JMJD1C: variants seen among roughly 807,000 people sequenced by gnomAD.
JMJD1C encodes jumonji domain containing 1C.
A neutral mutation model predicts 245.3 loss-of-function variants in JMJD1C; 31 were observed. That is an observed-to-expected ratio of 0.13 (90% confidence interval 0.09 to 0.17). The LOEUF (loss-of-function observed/expected upper bound fraction) is 0.17, where lower values mean the gene tolerates loss of function less well. JMJD1C is among the 10% of genes least tolerant of loss of function. The pLI, the probability that JMJD1C is intolerant of heterozygous loss-of-function variation, is 1.00. For missense variants in JMJD1C, 2,691 were observed against 3,000.2 expected (o/e 0.90, Z 2.41); for synonymous variants, 1,057 against 1,017.4 (o/e 1.04, Z -0.74).
intron 2 of JMJD1C, among the ~76,000 whole-genome samples, chr10:63,323,822 A>ATG (rs1466135807): frequency 6.6e-6 from 1 of 151,980 alleles, no homozygotes; most frequent in Non-Finnish European, 1.5e-5. Flanking sequence ...GTGTTTGCAT[A>ATG]TGTGTGTGTG....
chr10:63,413,685 A>G (rs1949623032), intron 1 of JMJD1C, among the ~76,000 whole-genome samples: 1 of 152,206 alleles, frequency 6.6e-6, no homozygotes, highest in Non-Finnish European at 1.5e-5. Context: ...GATAAGAAAT[A>G]CTAGAAATCT....
chr10:63,193,791 C>CA (rs1402569879), intron 14 of JMJD1C: 1 of 189,618 alleles, frequency 5.3e-6, no homozygotes, highest in East Asian at 1.4e-4. Context: ...CTCAGCCTCC[C>CA]AAGTAGCTGG....
At chr10:63,322,249 T>C (rs1193833008) in intron 2 of JMJD1C, among the ~76,000 whole-genome samples, 1 of 152,172 alleles carries the variant, frequency 6.6e-6, no homozygotes, top group Non-Finnish European at 1.5e-5. Flanking sequence ...TGAGTGGATG[T>C]CAGTTTACTG....
At chr10:63,398,363 C>A (rs979526248) in intron 1 of JMJD1C, among the ~76,000 whole-genome samples, 3 of 152,202 alleles carry the variant, frequency 2.0e-5, no homozygotes, top group African/African-American at 7.2e-5. Flanking sequence ...CCTTCAATTA[C>A]CTGTATTTTA....
chr10:63,328,649 T>C (rs927608550), intron 2 of JMJD1C, among the ~76,000 whole-genome samples: 4 of 152,220 alleles, frequency 2.6e-5, no homozygotes, highest in African/African-American at 9.7e-5. Context: ...TGAAACTAAA[T>C]GTTCTCCCTT....
intron 1 of JMJD1C, among the ~76,000 whole-genome samples, chr10:63,422,079 GAAGA>G (rs769694568): frequency 6.6e-6 from 1 of 152,118 alleles, no homozygotes; most frequent in Admixed American, 6.5e-5. Flanking sequence ...TGAGATCATA[GAAGA>G]GAGAGACACC....
At chr10:63,461,212 T>C (rs936478778) in intron 1 of JMJD1C, among the ~76,000 whole-genome samples, 10 of 152,226 alleles carry the variant, frequency 6.6e-5, no homozygotes, top group African/African-American at 2.4e-4. Context: ...ATAGTTGGCA[T>C]ACTTACATCA....
intron 2 of JMJD1C, among the ~76,000 whole-genome samples, chr10:63,369,468 T>C (rs1946121621): frequency 6.6e-6 from 1 of 152,122 alleles, no homozygotes; most frequent in African/African-American, 2.4e-5. Context: ...ATGCCAATAG[T>C]CCTGCATGAA....
chr10:63,359,023 A>C (rs890119263), intron 2 of JMJD1C: 3 of 154,234 alleles, frequency 1.9e-5, no homozygotes, highest in African/African-American at 7.2e-5. Flanking sequence ...TACCAGATAG[A>C]AATCCATTTC....
chr10:63,395,019 A>C (rs1210309748), intron 1 of JMJD1C, among the ~76,000 whole-genome samples: 1 of 152,198 alleles, frequency 6.6e-6, no homozygotes, highest in South Asian at 2.1e-4. Context: ...AAACTCAATA[A>C]AAGAAAATTA....
At chr10:63,416,394 C>T (rs779509893) in intron 1 of JMJD1C, among the ~76,000 whole-genome samples, 1 of 150,826 alleles carries the variant, frequency 6.6e-6, no homozygotes, top group African/African-American at 2.4e-5. Flanking sequence ...AATTGCAATC[C>T]GTAATTGCAG....
intron 2 of JMJD1C, among the ~76,000 whole-genome samples, chr10:63,354,891 T>C (rs936448363): frequency 2.0e-5 from 3 of 147,064 alleles, no homozygotes; most frequent in Non-Finnish European, 4.5e-5. Context: ...GGCATGGTGG[T>C]GTGCACCTGT....
intron 2 of JMJD1C, among the ~76,000 whole-genome samples, chr10:63,290,731 G>GCAA (rs1448008878): frequency 6.6e-6 from 1 of 152,008 alleles, no homozygotes; most frequent in East Asian, 1.9e-4. Flanking sequence ...ACACACTGTA[G>GCAA]CAAAATGCTT....
At chr10:63,294,535 T>C (rs1371301407) in intron 2 of JMJD1C, among the ~76,000 whole-genome samples, 1 of 152,146 alleles carries the variant, frequency 6.6e-6, no homozygotes, top group Non-Finnish European at 1.5e-5. Context: ...CCGCCCGCCT[T>C]GGCCTCCCAA....
At chr10:63,282,385 A>C (rs545073867) in intron 2 of JMJD1C, among the ~76,000 whole-genome samples, 6 of 152,244 alleles carry the variant, frequency 3.9e-5, no homozygotes, top group Non-Finnish European at 8.8e-5. Flanking sequence ...GTAAAGTAAT[A>C]ACAAAGTAAT....
intron 2 of JMJD1C, among the ~76,000 whole-genome samples, chr10:63,323,242 G>T (rs2134120978): frequency 6.6e-6 from 1 of 152,300 alleles, no homozygotes; most frequent in Non-Finnish European, 1.5e-5. Context: ...CAACAGTGGT[G>T]CCGGGTACAG....
chr10:63,489,154 C>T (rs545842176), intron 1 of JMJD1C, among the ~76,000 whole-genome samples: 6 of 152,296 alleles, frequency 3.9e-5, no homozygotes, highest in African/African-American at 1.4e-4. Flanking sequence ...AATCCCAGCA[C>T]TTTGGGAGGC....
At chr10:63,416,627 T>C (rs1398394182) in intron 1 of JMJD1C, among the ~76,000 whole-genome samples, 1 of 152,142 alleles carries the variant, frequency 6.6e-6, no homozygotes, top group East Asian at 1.9e-4. Context: ...ATGGAACCAA[T>C]CAATGGAATT....
intron 1 of JMJD1C, among the ~76,000 whole-genome samples, chr10:63,448,013 C>A (rs1481753642): frequency 6.6e-6 from 1 of 151,908 alleles, no homozygotes; most frequent in African/African-American, 2.4e-5. Flanking sequence ...ATTGTGAAAA[C>A]CAAGGTTATT....
Sources: gnomAD v4.1 joint callset for allele counts (sites outside exome capture counted in the v4.1 genomes callset) on GRCh38, gnomAD v4.1.1 for gene constraint, MANE v1.5 for transcripts, NCBI Gene and HGNC (gene_info 2026-07-23, HGNC 2026-07-21) for gene names.